Variants in NUP210L observed in about 807,000 individuals in gnomAD.
The protein encoded by NUP210L is nucleoporin 210 like.
In NUP210L, 74 loss-of-function variants were observed where a neutral mutation model predicts 208.5. The observed-to-expected ratio is 0.35, with a 90% CI of 0.29 to 0.43. The LOEUF is 0.43. Ranked by LOEUF, NUP210L falls within the 20% of genes least tolerant of loss-of-function variation. The pLI, the probability that NUP210L is intolerant of heterozygous loss-of-function variation, is 1.00. For missense variants in NUP210L, 1,843 were observed against 2,289.4 expected, an observed-to-expected ratio of 0.81 and a Z score of 3.98; for synonymous variants, 780 against 816.9, an observed-to-expected ratio of 0.95 and a Z score of 0.77.
chr1:154,027,080 C>CAAAAAAAAAA (rs59626984), intron 29 of NUP210L, among the ~76,000 whole-genome samples: 33 of 101,736 alleles, frequency 3.2e-4, no homozygotes, highest in East Asian at 5.8e-4. Context: ...GAGACTGTCT[C>CAAAAAAAAAA]AAAAAAAAAA....
At chr1:154,076,693 GA>G (rs916747484) in intron 16 of NUP210L, among the ~76,000 whole-genome samples, 3 of 151,500 alleles carry the variant, frequency 2.0e-5, no homozygotes, top group African/African-American at 4.8e-5. Flanking sequence ...AAAAAAGAAT[GA>G]AAAAAAAGAA....
intron 7 of NUP210L, among the ~76,000 whole-genome samples, chr1:154,135,082 G>A (rs1658468210): frequency 6.6e-6 from 1 of 151,974 alleles, no homozygotes; most frequent in Admixed American, 6.6e-5. Context: ...CAGGTTTAGT[G>A]AATTTTTAAA....
chr1:154,017,519 C>CTTTTTTTTT (rs553512184), intron 33 of NUP210L, among the ~76,000 whole-genome samples: 3 of 127,976 alleles, frequency 2.3e-5, no homozygotes, highest in African/African-American at 5.9e-5. Flanking sequence ...TTCTTTCTTT[C>CTTTTTTTTT]TTTTTTTTTT....
chr1:154,035,779 G>A (rs944471874), intron 27 of NUP210L, among the ~76,000 whole-genome samples: 3 of 151,778 alleles, frequency 2.0e-5, no homozygotes, highest in Non-Finnish European at 4.4e-5. Context: ...TGTCACCCAG[G>A]CTGGAGTGCA....
At chr1:154,010,256 C>G (rs1182362622) in intron 34 of NUP210L, 135 bp from the exon 35 acceptor site, 8 of 701,194 alleles carry the variant, frequency 1.1e-5, no homozygotes, top group Non-Finnish European at 1.9e-5. Flanking sequence ...GGTTTGCCCA[C>G]CTCTGCTTCA....
chr1:154,054,082 T>C (rs562812103), intron 25 of NUP210L, 146 bp downstream of exon 25: 2 of 692,004 alleles, frequency 2.9e-6, no homozygotes, highest in Non-Finnish European at 4.9e-6. Flanking sequence ...ACATTTTCCA[T>C]GCCTGGTTGA....
intron 13 of NUP210L, among the ~76,000 whole-genome samples, chr1:154,102,176 A>T (rs1656506549): frequency 6.6e-6 from 1 of 152,136 alleles, no homozygotes; most frequent in South Asian, 2.1e-4. Flanking sequence ...AAATTAAATA[A>T]AAATAAATAA....
chr1:154,086,873 A>G (rs2148040396), intron 16 of NUP210L, among the ~76,000 whole-genome samples: 1 of 152,286 alleles, frequency 6.6e-6, no homozygotes, highest in South Asian at 2.1e-4. Flanking sequence ...TGCAAATCAT[A>G]TATCTGAAAA....
At chr1:154,142,915 G>A (rs1257542452) in intron 3 of NUP210L, among the ~76,000 whole-genome samples, 4 of 150,928 alleles carry the variant, frequency 2.7e-5, no homozygotes, top group East Asian at 1.9e-4. Context: ...GTGGCCAGGC[G>A]CGGTGGCTCA....
intron 16 of NUP210L, among the ~76,000 whole-genome samples, chr1:154,083,521 T>C (rs1055184187): frequency 2.6e-5 from 4 of 152,078 alleles, no homozygotes; most frequent in Non-Finnish European, 4.4e-5. Flanking sequence ...GTCTTAGGTG[T>C]GGGCAGTCTT....
At chr1:154,104,064 T>C (rs1198690939) in exon 13 of NUP210L, 7 of 1,614,122 alleles carry the variant, frequency 4.3e-6, no homozygotes, top group Middle Eastern at 1.7e-4. Context: ...GATCCAAGGA[T>C]AAATGAGAGC....
intron 15 of NUP210L, 85 bp downstream of exon 15, chr1:154,094,850 G>A: frequency 1.0e-6 from 1 of 979,888 alleles, no homozygotes; most frequent in Non-Finnish European, 1.5e-6. Context: ...ACTAAATTCA[G>A]CAGAATCTGA....
exon 2 of NUP210L, chr1:154,152,759 C>G: frequency 6.2e-7 from 1 of 1,614,090 alleles, no homozygotes; most frequent in African/African-American, 1.3e-5. Flanking sequence ...AAGAATAATA[C>G]TGCTGAGGCG....
chr1:154,065,086 T>TAAATAAAATAAA (rs1654331205), intron 17 of NUP210L, among the ~76,000 whole-genome samples: 1 of 134,556 alleles, frequency 7.4e-6, no homozygotes, highest in Non-Finnish European at 1.6e-5. Context: ...AGTAAATAAA[T>TAAATAAAATAAA]AAATAAAATA....
chr1:154,054,616 G>A (rs1653708344), intron 24 of NUP210L, among the ~76,000 whole-genome samples, 154 bp downstream of exon 24: 1 of 152,134 alleles, frequency 6.6e-6, no homozygotes, highest in South Asian at 2.1e-4. Flanking sequence ...TACATCATAG[G>A]TCAGGGAAAA....
chr1:154,082,600 C>T (rs1655396314), intron 16 of NUP210L, among the ~76,000 whole-genome samples: 1 of 152,156 alleles, frequency 6.6e-6, no homozygotes, highest in Non-Finnish European at 1.5e-5. Context: ...TTACAATATC[C>T]TTTATAATAA....
intron 12 of NUP210L, among the ~76,000 whole-genome samples, chr1:154,116,106 T>C (rs1240489057): frequency 2.0e-5 from 3 of 151,618 alleles, no homozygotes; most frequent in African/African-American, 7.3e-5. Flanking sequence ...ATACAAAAAA[T>C]TGGCCGGGCA....
Position 154,141,425 on chromosome 1 carries a change from G to C in NUP210L, c.566+6C>G, listed in dbSNP as rs1440607197. ...TCAGATGATTTATGTTTGGTTTCAAGTTTACCTAATTTTGCTAGACAGTTC... is the reference window on the plus strand; with the variant it reads ...TCAGATGATTTATGTTTGGTTTCAACTTTACCTAATTTTGCTAGACAGTTC... On this transcript the variant is annotated splice_donor_region_variant and intron_variant, in intron 4 of 39. Transcript: ENST00000368559. 6.4e-7 allele frequency: 1 copy of C among 1,565,158 alleles called. No individual in the cohort carries two copies. Among genetic ancestry groups the C allele is most frequent in the East Asian group, 2.2e-5 (1 of 44,652 alleles).
At chr1:154,114,885 A>G (rs1657238751) in intron 12 of NUP210L, among the ~76,000 whole-genome samples, 1 of 150,428 alleles carries the variant, frequency 6.6e-6, no homozygotes, top group South Asian at 2.1e-4. Context: ...TGTGTAAGCC[A>G]CCACTCCCAG....
Sources: allele counts gnomAD v4.1 joint callset (sites outside exome capture counted in the v4.1 genomes callset), GRCh38; gene constraint gnomAD v4.1.1; transcripts MANE v1.5; gene names NCBI Gene and HGNC (gene_info 2026-07-23, HGNC 2026-07-21).